TSHZ2: variants seen among roughly 807,000 people sequenced by gnomAD.
TSHZ2 encodes teashirt homolog 2.
Under a neutral mutation model 74.4 loss-of-function variants are expected in TSHZ2, and 21 were observed. That is an observed-to-expected ratio of 0.28 (90% CI 0.20 to 0.41). TSHZ2 has a LOEUF of 0.41. Ranked by LOEUF, TSHZ2 falls within the 10% of genes least tolerant of loss-of-function variation. The pLI is 1.00. For missense variants in TSHZ2, 1,244 were observed against 1,293.5 expected, an observed-to-expected ratio of 0.96 and a Z score of 0.59; for synonymous variants, 540 against 515.3, an observed-to-expected ratio of 1.05 and a Z score of -0.65.
intron 2 of TSHZ2, among the ~76,000 whole-genome samples, chr20:53,276,659 G>A (rs1007234404): frequency 1.1e-4 from 16 of 152,106 alleles, no homozygotes; most frequent in East Asian, 3.8e-4. Flanking sequence ...ACTGTACATC[G>A]CAATCACCTG....
chr20:53,248,559 C>A (rs1990258342), intron 1 of TSHZ2, among the ~76,000 whole-genome samples: 2 of 152,118 alleles, frequency 1.3e-5, no homozygotes, highest in Admixed American at 1.3e-4. Flanking sequence ...TGTATGTCTG[C>A]TAATACATAT....
At chr20:53,035,506 A>G (rs778583660) in intron 1 of TSHZ2, among the ~76,000 whole-genome samples, 12 of 152,226 alleles carry the variant, frequency 7.9e-5, no homozygotes, top group Non-Finnish European at 1.5e-4. Context: ...ACCAGTACAC[A>G]CCAGATGCAA....
chr20:53,178,377 G>T (rs1600726143), intron 1 of TSHZ2: 2 of 152,234 alleles, frequency 1.3e-5, no homozygotes, highest in African/African-American at 4.8e-5. Context: ...AGAAGAGGAA[G>T]GGACCATAGA....
intron 2 of TSHZ2, among the ~76,000 whole-genome samples, chr20:53,473,239 G>A (rs1233164850): frequency 6.9e-6 from 1 of 144,426 alleles, no homozygotes; most frequent in African/African-American, 2.6e-5. Context: ...AGTAACCTCT[G>A]CAGACTTAAA....
At chr20:53,269,586 TGAG>T (rs538780178) in intron 2 of TSHZ2, among the ~76,000 whole-genome samples, 10 of 151,906 alleles carry the variant, frequency 6.6e-5, no homozygotes, top group South Asian at 4.2e-4. Context: ...ATGATGGTGA[TGAG>T]GAGGAGGAGG....
chr20:53,262,606 G>A (rs975410304), intron 2 of TSHZ2, among the ~76,000 whole-genome samples: 4 of 152,302 alleles, frequency 2.6e-5, no homozygotes, highest in Admixed American at 6.5e-5. Context: ...ACTTGATGAA[G>A]AACAATGCAG....
At chr20:53,012,804 G>A (rs1040755467) in intron 1 of TSHZ2, among the ~76,000 whole-genome samples, 5 of 152,002 alleles carry the variant, frequency 3.3e-5, no homozygotes, top group East Asian at 1.9e-4. Flanking sequence ...GGCCCTTCCC[G>A]GCTTCTCTCT....
At chr20:53,251,607 T>TA (rs1406342019) in intron 1 of TSHZ2, among the ~76,000 whole-genome samples, 2 of 152,108 alleles carry the variant, frequency 1.3e-5, no homozygotes, top group East Asian at 1.9e-4. Flanking sequence ...GCCAATTTAA[T>TA]AAAAAATCCA....
chr20:53,479,102 T>A (rs1337031544), intron 2 of TSHZ2, among the ~76,000 whole-genome samples: 3 of 150,422 alleles, frequency 2.0e-5, no homozygotes, highest in Non-Finnish European at 4.4e-5. Flanking sequence ...GAGGCGGAGG[T>A]TGCAGTGAGC....
rs45479792 is a variant in TSHZ2 at position 53,254,963 on chromosome 20, G to A, written c.1505G>A (p.Arg502Lys). 8.0e-3 allele frequency: 12,981 copies of A among 1,614,152 alleles called. 67 individuals carry two copies. Among genetic ancestry groups the A allele is most frequent in the Non-Finnish European group, 9.7e-3 (11,503 of 1,180,014 alleles). ...CCTACAATCAAATATCAATACCTAAGGGAGGAAGACTTGGAAGATGGCTCA... is the reference window on the plus strand; with the variant it reads ...CCTACAATCAAATATCAATACCTAAAGGAGGAAGACTTGGAAGATGGCTCA... ...LDPTIKYQYL[R>K]EEDLEDGSKG... The change falls in exon 2 of 3, where the codon AGG becomes AAG. Residue 502 changes from arginine (R) to lysine (K), a missense_variant. Arg to Lys is a conservative substitution (Grantham distance 26). Transcript: ENST00000371497.
chr20:53,078,590 C>G (rs889897875), intron 1 of TSHZ2, among the ~76,000 whole-genome samples: 6 of 151,992 alleles, frequency 3.9e-5, no homozygotes, highest in Admixed American at 2.0e-4. Flanking sequence ...TGAAAAATAC[C>G]CTGGCTGCAT....
intron 2 of TSHZ2, among the ~76,000 whole-genome samples, chr20:53,355,779 TAACAA>T (rs73625473): frequency 0.24 from 36,881 of 151,914 alleles, 5,069 homozygotes; most frequent in South Asian, 0.4. Flanking sequence ...ATGAAGCTGT[TAACAA>T]AACAAAAAGA....
At chr20:53,057,690 C>CT (rs1223099243) in intron 1 of TSHZ2, among the ~76,000 whole-genome samples, 2 of 152,176 alleles carry the variant, frequency 1.3e-5, no homozygotes, top group African/African-American at 4.8e-5. Context: ...CAAATACCTA[C>CT]TGTATTCATA....
At chr20:52,986,767 G>T (rs1267659239) in intron 1 of TSHZ2, among the ~76,000 whole-genome samples, 1 of 152,148 alleles carries the variant, frequency 6.6e-6, no homozygotes, top group East Asian at 1.9e-4. Flanking sequence ...TTTGTTGTCT[G>T]ATTACCATCA....
At chr20:53,386,531 A>G (rs1982052617) in intron 2 of TSHZ2, among the ~76,000 whole-genome samples, 2 of 152,252 alleles carry the variant, frequency 1.3e-5, no homozygotes, top group African/African-American at 4.8e-5. Context: ...TAATTTGGCT[A>G]TCAGGCATGA....
intron 1 of TSHZ2, among the ~76,000 whole-genome samples, chr20:52,996,115 T>TA (rs1424871282): frequency 2.0e-5 from 3 of 152,104 alleles, no homozygotes; most frequent in African/African-American, 7.2e-5. Context: ...GAGAAAGAGA[T>TA]ATATTCTTTT....
chr20:53,485,966 CAT>C, intron 2 of TSHZ2, among the ~76,000 whole-genome samples: 1 of 152,216 alleles, frequency 6.6e-6, no homozygotes, highest in East Asian at 1.9e-4. Context: ...GTTGTACAAA[CAT>C]AACAATGTCC....
chr20:53,094,927 A>T (rs2123272296), intron 1 of TSHZ2, among the ~76,000 whole-genome samples: 1 of 152,364 alleles, frequency 6.6e-6, no homozygotes. Context: ...AATAATGCAG[A>T]GAAATTTGCA....
At chr20:53,069,200 C>G (rs1192698897) in intron 1 of TSHZ2, among the ~76,000 whole-genome samples, 2 of 152,114 alleles carry the variant, frequency 1.3e-5, no homozygotes, top group Non-Finnish European at 2.9e-5. Context: ...GATACCTTCC[C>G]AAGAAGGATA....
Sources: gnomAD v4.1 joint callset for allele counts (sites outside exome capture counted in the v4.1 genomes callset) on GRCh38, gnomAD v4.1.1 for gene constraint, MANE v1.5 for transcripts, NCBI Gene and HGNC (gene_info 2026-07-23, HGNC 2026-07-21) for gene names.